Variants in UNC13B observed in about 807,000 individuals in gnomAD.
UNC13B encodes the protein unc-13 homolog B, also known as protein unc-13 homolog B.
UNC13B carries 144 observed loss-of-function variants against 211.0 expected under a neutral mutation model. The ratio of observed to expected loss-of-function variants is 0.68; its 90% CI spans 0.60 to 0.78. The LOEUF is 0.78. Ranked by LOEUF, UNC13B falls within the 30% of genes least tolerant of loss-of-function variation. The pLI is 0.00. For missense variants in UNC13B, 1,777 were observed against 2,002.0 expected (o/e 0.89, Z 2.14); for synonymous variants, 709 against 725.8 (o/e 0.98, Z 0.37).
intron 1 of UNC13B, among the ~76,000 whole-genome samples, chr9:35,190,101 C>T (rs868484762): frequency 7.9e-5 from 12 of 152,270 alleles, no homozygotes; most frequent in Admixed American, 2.6e-4. Context: ...AAATTAACGG[C>T]GCCATTTTAT....
At chr9:35,171,245 G>T (rs1191839863) in intron 1 of UNC13B, among the ~76,000 whole-genome samples, 2 of 152,028 alleles carry the variant, frequency 1.3e-5, no homozygotes, top group Non-Finnish European at 2.9e-5. Context: ...GGGACTACAG[G>T]TGCCCGCCAC....
intron 1 of UNC13B, among the ~76,000 whole-genome samples, chr9:35,205,506 G>T (rs1320685854): frequency 6.6e-6 from 1 of 152,140 alleles, no homozygotes; most frequent in African/African-American, 2.4e-5. Context: ...CTGTAAGAAA[G>T]AAACCTCTTA....
At chr9:35,236,329 C>A in intron 3 of UNC13B, 140 bp from the exon 4 acceptor site, 1 of 654,974 alleles carries the variant, frequency 1.5e-6, no homozygotes, top group Non-Finnish European at 2.6e-6. Context: ...TAAAAATGGT[C>A]GTGGCATTCT....
chr9:35,304,494 T>C lies in UNC13B; in HGVS notation c.5090T>C (p.Ile1697Thr). The change falls in exon 9 of 40, where the codon ATA becomes ACA. Residue 1697 changes from isoleucine to threonine, a missense_variant. Physicochemically the swap from Ile to Thr is moderately conservative, Grantham distance 89. Coordinates refer to ENST00000635942, the MANE Select transcript of UNC13B (RefSeq NM_001371189.2). ...SNHVSSRDQI[I>T]ERDKNQPLAE... is the part of the protein sequence containing the mutation. ...CATGTCTCAAGCAGAGATCAAATTA[T>C]AGAGAGAGATAAAAACCAGCCTCTA... The C allele has an allele frequency of 2.5e-6, 1 of 398,686 alleles. No homozygotes were observed. The highest frequency in any genetic ancestry group is 4.4e-6 in the Non-Finnish European group (1 of 225,892). The allele number at this position is 398,686 out of a possible 1,614,324, so 24.7% of individuals were successfully genotyped here.
At chr9:35,281,246 C>T (rs1015084960) in intron 7 of UNC13B, among the ~76,000 whole-genome samples, 7 of 105,270 alleles carry the variant, frequency 6.6e-5, no homozygotes, top group Admixed American at 1.9e-4. Context: ...AAGACTCTAT[C>T]TCAAAAAAAA....
At chr9:35,377,728 G>T (rs1391292878) in intron 16 of UNC13B, 33 bp downstream of exon 16, 8 of 1,602,772 alleles carry the variant, frequency 5.0e-6, no homozygotes, top group African/African-American at 2.7e-5. Context: ...GGACAGGAAG[G>T]CCTGGGCTAT....
At chr9:35,396,093 A>G (rs1419136432) in intron 26 of UNC13B, among the ~76,000 whole-genome samples, 4 of 152,202 alleles carry the variant, frequency 2.6e-5, no homozygotes, top group African/African-American at 9.6e-5. Flanking sequence ...GTGATCAGAA[A>G]GGCCCTGGAA....
At chr9:35,251,840 A>G (rs1210449932) in intron 6 of UNC13B, among the ~76,000 whole-genome samples, 1 of 152,100 alleles carries the variant, frequency 6.6e-6, no homozygotes, top group Non-Finnish European at 1.5e-5. Flanking sequence ...TGTCTCTTAA[A>G]TCATTTTACT....
intron 13 of UNC13B, among the ~76,000 whole-genome samples, chr9:35,374,766 T>C (rs547692721): frequency 5.6e-4 from 85 of 152,346 alleles, no homozygotes; most frequent in African/African-American, 1.8e-3. Context: ...TCTATTATTC[T>C]TAATTACCTG....
At chr9:35,252,917 G>A (rs912214981) in intron 6 of UNC13B, among the ~76,000 whole-genome samples, 1 of 151,150 alleles carries the variant, frequency 6.6e-6, no homozygotes, top group African/African-American at 2.4e-5. Flanking sequence ...GCAACAGAGC[G>A]AGACTCTGTC....
chr9:35,229,412 T>G (rs575437513), intron 2 of UNC13B, among the ~76,000 whole-genome samples: 1 of 152,356 alleles, frequency 6.6e-6, no homozygotes, highest in East Asian at 1.9e-4. Flanking sequence ...CCCAGCTGGT[T>G]TTCTATGCTT....
chr9:35,319,002 A>G (rs1217938197), intron 11 of UNC13B, among the ~76,000 whole-genome samples: 1 of 152,242 alleles, frequency 6.6e-6, no homozygotes, highest in Non-Finnish European at 1.5e-5. Flanking sequence ...GAAAGAAAAT[A>G]TAGCAAGTTG....
intron 6 of UNC13B, among the ~76,000 whole-genome samples, chr9:35,253,643 G>A (rs1826648345): frequency 6.6e-6 from 1 of 152,142 alleles, no homozygotes; most frequent in Non-Finnish European, 1.5e-5. Flanking sequence ...GGGCCTAGAA[G>A]TGCTAATCAA....
rs1826247071 is a variant in UNC13B at position 35,248,552 on chromosome 9, T to C, written c.468+5188T>C. On this transcript the variant is annotated intron_variant, in intron 6 of 39. Coordinates refer to ENST00000635942, the MANE Select transcript of UNC13B (RefSeq NM_001371189.2). ...ATGTGTCCCAGAGATTCTGGTTCGT[T>C]GTGTCTTTGTTCTCGTTGGTTTCAA... 2.0e-5 allele frequency among the ~76,000 whole-genome samples: 3 copies of C among 152,230 alleles called. 1 individual carries two copies. In the South Asian group the frequency reaches 6.2e-4, roughly 31 times the overall value.
intron 7 of UNC13B, among the ~76,000 whole-genome samples, chr9:35,282,008 A>G (rs1401386342): frequency 1.3e-5 from 2 of 152,214 alleles, no homozygotes; most frequent in African/African-American, 4.8e-5. Context: ...ATGCCATAGC[A>G]AGCTGTTTAT....
At chr9:35,297,547 CTTT>C (rs774525517) in intron 8 of UNC13B, among the ~76,000 whole-genome samples, 3 of 100,854 alleles carry the variant, frequency 3.0e-5, no homozygotes, top group African/African-American at 1.2e-4. Flanking sequence ...CATACTTTGT[CTTT>C]TTTTTTTTTT....
intron 1 of UNC13B, among the ~76,000 whole-genome samples, chr9:35,166,107 C>G (rs936739775): frequency 2.0e-5 from 3 of 152,054 alleles, no homozygotes; most frequent in Non-Finnish European, 4.4e-5. Context: ...GCAGGCCAGT[C>G]GTGGTGGCTC....
At chr9:35,167,242 T>G (rs1166991203) in intron 1 of UNC13B, among the ~76,000 whole-genome samples, 1 of 151,756 alleles carries the variant, frequency 6.6e-6, no homozygotes, top group Non-Finnish European at 1.5e-5. Flanking sequence ...CCTGGCTAAT[T>G]TTTTGTATTT....
intron 11 of UNC13B, among the ~76,000 whole-genome samples, chr9:35,315,741 T>C (rs1192344424): frequency 6.6e-6 from 1 of 152,218 alleles, no homozygotes; most frequent in Non-Finnish European, 1.5e-5. Flanking sequence ...AATGACATGT[T>C]GCATTTAGTC....
Sources: gnomAD v4.1 joint callset for allele counts (sites outside exome capture counted in the v4.1 genomes callset) on GRCh38, gnomAD v4.1.1 for gene constraint, MANE v1.5 for transcripts, NCBI Gene and HGNC (gene_info 2026-07-23, HGNC 2026-07-21) for gene names.